ANKRD33B: variants seen among roughly 807,000 people sequenced by gnomAD.
The protein encoded by ANKRD33B is ankyrin repeat domain-containing protein 33B.
ANKRD33B carries 6 observed loss-of-function variants against 21.5 expected under a neutral mutation model. That is an observed-to-expected ratio of 0.28 (90% CI 0.15 to 0.55). The LOEUF is 0.55. ANKRD33B is among the 20% of genes least tolerant of loss of function. The probability of loss-of-function intolerance (pLI) is 0.94; values close to 1 mark genes in which losing one functional copy is unlikely to be tolerated. For synonymous variants in ANKRD33B, 347 were observed against 342.4 expected (o/e 1.01, Z -0.15); for missense variants, 698 against 747.2 (o/e 0.93, Z 0.77).
intron 1 of ANKRD33B, among the ~76,000 whole-genome samples, chr5:10,610,654 A>G (rs1392979289): frequency 1.3e-5 from 2 of 152,262 alleles, no homozygotes; most frequent in East Asian, 3.8e-4. Context: ...ATTTGGCTGA[A>G]TCACGTCCAG....
At chr5:10,592,450 TAAAAAAAAAAAAAA>T (rs35660672) in intron 1 of ANKRD33B, among the ~76,000 whole-genome samples, 1 of 69,114 alleles carries the variant, frequency 1.4e-5, no homozygotes, top group Non-Finnish European at 2.6e-5. Context: ...CCATCTCTAC[TAAAAAAAAAAAAAA>T]AAAAAAAAAA....
chr5:10,650,442 T>A lies in ANKRD33B; in HGVS notation c.*329T>A, dbSNP rs1737323753. On this transcript the variant is annotated 3_prime_UTR_variant, in exon 4 of 4. Coordinates refer to ENST00000296657, the MANE Select transcript of ANKRD33B (RefSeq NM_001164440.2). ...TTTCTCCGTAATTTTGTATTTTTAA[T>A]CATTATTTATCAAATTTGCAACGTT... 5.5e-6 allele frequency: 1 copy of A among 182,302 alleles called. No homozygotes were observed. The highest frequency in any genetic ancestry group is 1.8e-4 in the South Asian group (1 of 5,418). 11.3% of individuals were successfully genotyped at this position (182,302 alleles called of 1,614,324 possible). A position where few individuals can be genotyped will look rare whatever the true frequency, so the allele number is the denominator to read the frequency against.
In ANKRD33B at chr5:10,649,701, A is replaced by G; in HGVS notation, c.1073A>G (p.Glu358Gly). 6.6e-7 allele frequency: 1 copy of G among 1,517,216 alleles called. No homozygotes were observed. Among genetic ancestry groups the G allele is most frequent in the Non-Finnish European group, 8.8e-7 (1 of 1,136,780 alleles). 94.0% of individuals were successfully genotyped at this position (1,517,216 alleles called of 1,614,324 possible). A position where few individuals can be genotyped will look rare whatever the true frequency, so the allele number is the denominator to read the frequency against. The change falls in exon 4 of 4, where the codon GAG becomes GGG. Residue 358 changes from glutamate (E) to glycine (G), a missense_variant. Glu to Gly is a moderately conservative substitution (Grantham distance 98). This residue lies in a region of ANKRD33B where 543 missense variants were observed against 566.5 expected (regional missense o/e 0.96). Transcript: ENST00000296657. ...ARAARGPQAQ[E>G]EDEVGGAGQR... is the part of the protein sequence containing the mutation. ...GCTGCACGGGGCCCCCAGGCGCAGG[A>G]GGAGGATGAGGTGGGGGGCGCGGGG...
intron 2 of ANKRD33B, among the ~76,000 whole-genome samples, chr5:10,628,388 G>A (rs928547927): frequency 6.6e-6 from 1 of 152,226 alleles, no homozygotes; most frequent in African/African-American, 2.4e-5. Flanking sequence ...CACCATGTTG[G>A]CCAGGCTGGT....
At chr5:10,577,054 T>C (rs754997102) in intron 1 of ANKRD33B, among the ~76,000 whole-genome samples, 3 of 151,540 alleles carry the variant, frequency 2.0e-5, no homozygotes, top group Non-Finnish European at 2.9e-5. Flanking sequence ...TCACAAGCCT[T>C]TCCTCTTTCT....
At chr5:10,621,281 A>G (rs1366859648) in intron 2 of ANKRD33B, among the ~76,000 whole-genome samples, 1 of 152,216 alleles carries the variant, frequency 6.6e-6, no homozygotes. Flanking sequence ...GAGGAATGGT[A>G]TTTAGAAACC....
rs200203509 is a variant in ANKRD33B, at chr5:10,610,401, G to GCC, written c.367-7923_367-7922dup. Among the ~76,000 whole-genome samples the GCC allele has an allele frequency of 1.1e-3, 154 of 146,480 alleles. 3 individuals are homozygous for GCC. The highest frequency in any genetic ancestry group is 3.6e-3 in the African/African-American group (139 of 38,942). ...CAGGGATTGCATAGTACAGGGGACAGCCCCCCCCCCGAATAAAGAATTATC... is the reference window on the plus strand; with the variant it reads ...CAGGGATTGCATAGTACAGGGGACAGCCCCCCCCCCCCGAATAAAGAATTATC... On this transcript the variant is annotated intron_variant, in intron 1 of 3. Coordinates refer to ENST00000296657, the MANE Select transcript of ANKRD33B (RefSeq NM_001164440.2).
Position 10,645,031 on chromosome 5 carries a change from C to T in ANKRD33B, c.638-4235C>T, listed in dbSNP as rs150924850. On this transcript the variant is annotated intron_variant, in intron 3 of 3. Coordinates refer to ENST00000296657, the MANE Select transcript of ANKRD33B (RefSeq NM_001164440.2). ...AGATGCTGGGAAGTTTATTTCCCAACTCCAGTGCCTCTTTGAGGGGAGATG... is the reference window on the plus strand; with the variant it reads ...AGATGCTGGGAAGTTTATTTCCCAATTCCAGTGCCTCTTTGAGGGGAGATG... Among the ~76,000 whole-genome samples, 556 of 152,384 alleles carry T rather than the reference C, an allele frequency of 3.6e-3. 3 individuals are homozygous for T. The highest frequency in any genetic ancestry group is 0.013 in the African/African-American group (535 of 41,594).
intron 2 of ANKRD33B, among the ~76,000 whole-genome samples, chr5:10,635,506 T>C (rs535384700): frequency 6.6e-6 from 1 of 152,314 alleles, no homozygotes; most frequent in South Asian, 2.1e-4. Flanking sequence ...AGCGAGGGGA[T>C]CGTACCCTTT....
chr5:10,591,970 T>A (rs4702705), intron 1 of ANKRD33B, among the ~76,000 whole-genome samples: 85,162 of 151,544 alleles, frequency 0.56, 24,406 homozygotes, highest in East Asian at 0.7. Context: ...TGAATCTCTT[T>A]TCTCCATCAG....
At chr5:10,606,029 A>G (rs188996791) in intron 1 of ANKRD33B, among the ~76,000 whole-genome samples, 31 of 152,340 alleles carry the variant, frequency 2.0e-4, no homozygotes, top group Non-Finnish European at 4.0e-4. Flanking sequence ...TTCATCACAT[A>G]ATGCTTGTAT....
intron 2 of ANKRD33B, among the ~76,000 whole-genome samples, chr5:10,622,874 T>C (rs796135287): frequency 2.0e-5 from 3 of 150,486 alleles, no homozygotes; most frequent in African/African-American, 7.3e-5. Flanking sequence ...CTGGTTTATT[T>C]TAAGTCAAGG....
Position 10,564,130 on chromosome 5 carries a change from T to C in ANKRD33B, c.-338T>C, listed in dbSNP as rs1293107814. ...CCAGCTCTGGGGCAACGCTGCCAGG[T>C]GCCCAGTCCCCGCGCTCGAGAGAGC... On this transcript the variant is annotated 5_prime_UTR_variant, in exon 1 of 4. Transcript: ENST00000296657. Among the ~76,000 whole-genome samples the C allele has an allele frequency of 3.3e-5, 5 of 152,074 alleles. No individual in the cohort carries two copies. The highest frequency in any genetic ancestry group is 3.4e-3 in the Middle Eastern group (1 of 292).
chr5:10,592,108 C>T (rs1184900641), intron 1 of ANKRD33B, among the ~76,000 whole-genome samples: 1 of 151,200 alleles, frequency 6.6e-6, no homozygotes, highest in Non-Finnish European at 1.5e-5. Flanking sequence ...GTTTACTGCT[C>T]AGTAATCAAC....
intron 1 of ANKRD33B, among the ~76,000 whole-genome samples, chr5:10,613,145 G>A (rs988803424): frequency 6.6e-6 from 1 of 152,052 alleles, no homozygotes; most frequent in African/African-American, 2.4e-5. Context: ...TCTCTCCCCT[G>A]GCTGTCGTGG....
intron 1 of ANKRD33B, among the ~76,000 whole-genome samples, chr5:10,599,051 G>T (rs1233281092): frequency 2.0e-5 from 3 of 152,092 alleles, no homozygotes; most frequent in African/African-American, 7.2e-5. Flanking sequence ...GTTTCCTCTT[G>T]CTCCTTTCTA....
chr5:10,633,782 G>A (rs1437174125), intron 2 of ANKRD33B, among the ~76,000 whole-genome samples: 3 of 152,150 alleles, frequency 2.0e-5, no homozygotes, highest in African/African-American at 7.2e-5. Flanking sequence ...TAATTTGGAC[G>A]TGCCTGATGC....
intron 3 of ANKRD33B, among the ~76,000 whole-genome samples, chr5:10,641,645 G>C (rs970968467): frequency 1.3e-5 from 2 of 151,950 alleles, no homozygotes; most frequent in African/African-American, 4.8e-5. Context: ...TGTTTTTCTC[G>C]AGATCAATCT....
Position 10,576,945 on chromosome 5 carries a change from C to G in ANKRD33B, c.366+12112C>G, listed in dbSNP as rs1735335247. ...GAGGGTGGAGCCTGAAACGCTGGCC[C>G]AGGAAATGGAACAGAAGCCTGTTGT... On this transcript the variant is annotated intron_variant, in intron 1 of 3. Coordinates refer to ENST00000296657, the MANE Select transcript of ANKRD33B (RefSeq NM_001164440.2). The surrounding 1 kb of genome is among the most constrained non-coding windows in gnomAD (Gnocchi z 4.1). Among the ~76,000 whole-genome samples the G allele has an allele frequency of 6.6e-6, 1 of 152,136 alleles. No homozygotes were observed. The highest frequency in any genetic ancestry group is 6.5e-5 in the Admixed American group (1 of 15,286).
Sources: gnomAD v4.1 joint callset for allele counts (sites outside exome capture counted in the v4.1 genomes callset) on GRCh38, gnomAD v4.1.1 for gene constraint, gnomAD v4.1.1 regional missense constraint, Gnocchi (gnomAD v3.1) non-coding constraint, MANE v1.5 for transcripts, NCBI Gene and HGNC (gene_info 2026-07-23, HGNC 2026-07-21) for gene names.